Variants in MBD5 observed in about 807,000 individuals in gnomAD.
The protein encoded by MBD5 is methyl-CpG binding domain protein 5.
Under a neutral mutation model 117.3 loss-of-function variants are expected in MBD5, and 13 were observed. The ratio of observed to expected loss-of-function variants is 0.11; its 90% confidence interval spans 0.07 to 0.18. The LOEUF is 0.18. Ranked by LOEUF, MBD5 falls within the 10% of genes least tolerant of loss-of-function variation. MBD5 has a pLI of 1.00. For synonymous variants in MBD5, 727 were observed against 766.4 expected (o/e 0.95, Z 0.85); for missense variants, 1,879 against 2,093.8 (o/e 0.90, Z 2.00).
chr2:148,401,753 T>C (rs781234703), intron 4 of MBD5, among the ~76,000 whole-genome samples: 2 of 152,088 alleles, frequency 1.3e-5, no homozygotes, highest in African/African-American at 4.8e-5. Context: ...AAGGCTTTCT[T>C]TTCATTTCAC....
chr2:148,095,610 A>G (rs1025598940), intron 1 of MBD5, among the ~76,000 whole-genome samples: 12 of 152,154 alleles, frequency 7.9e-5, no homozygotes, highest in African/African-American at 2.4e-4. Context: ...TTAACATTAT[A>G]AAGTATTGTA....
chr2:148,179,588 A>G (rs908309447), intron 2 of MBD5, among the ~76,000 whole-genome samples: 3 of 152,108 alleles, frequency 2.0e-5, no homozygotes, highest in African/African-American at 7.2e-5. Flanking sequence ...TTTTCATTTT[A>G]TCATGGCTCC....
At chr2:148,109,750 A>G (rs766384698) in intron 1 of MBD5, among the ~76,000 whole-genome samples, 2 of 152,180 alleles carry the variant, frequency 1.3e-5, no homozygotes, top group East Asian at 3.8e-4. Context: ...CTCTTGGGAA[A>G]GTGGCTTGGG....
At chr2:148,164,906 T>C (rs1574085549) in intron 1 of MBD5, among the ~76,000 whole-genome samples, 1 of 152,326 alleles carries the variant, frequency 6.6e-6, no homozygotes, top group East Asian at 1.9e-4. Context: ...TTAAAAACTT[T>C]ATGAACTTGT....
Position 148,468,752 on chromosome 2 carries a change from G to A in MBD5, c.809G>A (p.Arg270Lys). The change falls in exon 8 of 14, where the codon AGG (arginine) becomes AAG (lysine). Residue 270 changes from arginine (R) to lysine (K), a missense_variant. Coordinates refer to ENST00000642680, the MANE Select transcript of MBD5 (RefSeq NM_001378120.1). ...APNSSPIHLN[R>K]TPLSPPSVML... ...AATTCTAGTCCTATTCACCTGAATA[G>A]GACTCCTCTTTCTCCACCTTCAGTA... The A allele has an allele frequency of 6.2e-7, 1 of 1,613,906 alleles. No individual in the cohort carries two copies. The highest frequency in any genetic ancestry group is 8.5e-7 in the Non-Finnish European group (1 of 1,179,922).
intron 3 of MBD5, among the ~76,000 whole-genome samples, chr2:148,328,203 G>C (rs1702519088): frequency 6.6e-6 from 1 of 152,222 alleles, no homozygotes; most frequent in African/African-American, 2.4e-5. Context: ...CCCATTCTCA[G>C]ATCTCCAGCT....
intron 3 of MBD5, among the ~76,000 whole-genome samples, chr2:148,326,659 C>T (rs1702460598): frequency 2.0e-5 from 3 of 151,400 alleles, no homozygotes; most frequent in Admixed American, 2.0e-4. Context: ...GGATTGCAAC[C>T]CCTGCCTTTT....
chr2:148,213,468 A>C (rs760765384), intron 2 of MBD5, among the ~76,000 whole-genome samples: 27 of 152,190 alleles, frequency 1.8e-4, no homozygotes, highest in Non-Finnish European at 2.5e-4. Flanking sequence ...ACTTAACAAC[A>C]GTAACTATAA....
In MBD5 at chr2:148,483,331, T is replaced by G. The variant is rs1346667597; in HGVS notation, c.2740T>G (p.Leu914Val). The G allele has an allele frequency of 1.9e-6, 3 of 1,613,934 alleles. No individual in the cohort carries two copies. The highest frequency in any genetic ancestry group is 2.5e-6 in the Non-Finnish European group (3 of 1,180,004). The part of the protein sequence containing the change: ...STSNNHLPHP[L>V]NPSLLSSLPI... ...TTCAAACAACCATCTTCCACACCCC[T>G]TGAACCCCAGCCTCCTCAGTTCTCT... Residue 914 changes from leucine (L) to valine (V), a missense_variant, in exon 9 of 14, where the codon TTG (leucine) becomes GTG (valine). Physicochemically the swap from Leu to Val is conservative, Grantham distance 32. Transcript: ENST00000642680.
chr2:148,368,843 T>C (rs1703774912), intron 4 of MBD5, among the ~76,000 whole-genome samples: 1 of 152,146 alleles, frequency 6.6e-6, no homozygotes, highest in East Asian at 1.9e-4. Context: ...TTATCCCTTC[T>C]ATTAGATGCT....
rs1156614449 is a variant in MBD5 at position 148,195,027 on chromosome 2, A to G, written c.-831+16234A>G. On this transcript the variant is annotated intron_variant, in intron 2 of 13. Coordinates refer to ENST00000642680, the MANE Select transcript of MBD5 (RefSeq NM_001378120.1). ...GGTCCATACTGTTTCTGTCACAACT[A>G]CTCAACTCTCTTATCAGAGATCAAA... Among the ~76,000 whole-genome samples the G allele has an allele frequency of 3.3e-5, 5 of 152,278 alleles. No individual in the cohort carries two copies. In the East Asian group the frequency reaches 9.6e-4, roughly 29 times the overall value.
intron 2 of MBD5, among the ~76,000 whole-genome samples, chr2:148,200,669 G>A (rs564144995): frequency 6.6e-6 from 1 of 150,756 alleles, no homozygotes; most frequent in African/African-American, 2.4e-5. Flanking sequence ...CTCCAGCCTG[G>A]GTGACAGAGC....
At chr2:148,081,976 C>T (rs1465532531) in intron 1 of MBD5, among the ~76,000 whole-genome samples, 1 of 152,204 alleles carries the variant, frequency 6.6e-6, no homozygotes, top group Non-Finnish European at 1.5e-5. Flanking sequence ...TTATTCACTT[C>T]CGCATGAGTC....
intron 3 of MBD5, among the ~76,000 whole-genome samples, chr2:148,317,659 G>A (rs1702185542): frequency 1.3e-5 from 2 of 149,894 alleles, no homozygotes; most frequent in Non-Finnish European, 3.0e-5. Context: ...CACTCTGTAT[G>A]TCCAAGTGTT....
At chr2:148,352,054 A>G (rs1004713258) in intron 4 of MBD5, among the ~76,000 whole-genome samples, 8 of 152,010 alleles carry the variant, frequency 5.3e-5, no homozygotes, top group Non-Finnish European at 4.4e-5. Flanking sequence ...TCAAACCCTA[A>G]TGAGTGGGAC....
At chr2:148,221,831 C>T (rs193177316) in intron 2 of MBD5, among the ~76,000 whole-genome samples, 38 of 152,178 alleles carry the variant, frequency 2.5e-4, no homozygotes, top group African/African-American at 8.9e-4. Context: ...AATTTTTATT[C>T]AGACCAATGT....
chr2:148,088,900 G>A (rs1167610097), intron 1 of MBD5, among the ~76,000 whole-genome samples: 2 of 151,986 alleles, frequency 1.3e-5, no homozygotes, highest in African/African-American at 2.4e-5. Context: ...CACTTCAAAG[G>A]TACAGAATGG....
intron 1 of MBD5, among the ~76,000 whole-genome samples, chr2:148,037,112 A>G (rs1300768576): frequency 6.6e-6 from 1 of 152,004 alleles, no homozygotes; most frequent in African/African-American, 2.4e-5. Context: ...AAAATAACCA[A>G]ACTTAACATT....
intron 8 of MBD5, among the ~76,000 whole-genome samples, chr2:148,482,049 T>C (rs1388910360): frequency 1.3e-5 from 2 of 152,178 alleles, no homozygotes; most frequent in African/African-American, 4.8e-5. Context: ...TTTTATTCAT[T>C]GTCAAAAATA....
Sources: gnomAD v4.1 joint callset for allele counts (sites outside exome capture counted in the v4.1 genomes callset) on GRCh38, gnomAD v4.1.1 for gene constraint, MANE v1.5 for transcripts, NCBI Gene and HGNC (gene_info 2026-07-23, HGNC 2026-07-21) for gene names.